Variants in SPATS2L observed in about 807,000 individuals in gnomAD.
The protein encoded by SPATS2L is spermatogenesis associated serine rich 2 like, also known as SPATS2-like protein.
In SPATS2L, 30 loss-of-function variants were observed where a neutral mutation model predicts 59.6. That is an observed-to-expected ratio of 0.50 (90% confidence interval 0.38 to 0.68). The LOEUF is 0.68. SPATS2L is among the 30% of genes least tolerant of loss of function. The pLI is 0.00. For synonymous variants in SPATS2L, 252 were observed against 263.5 expected (o/e 0.96, Z 0.42); for missense variants, 615 against 700.0 (o/e 0.88, Z 1.37).
chr2:200,370,937 C>T (rs879108479), intron 2 of SPATS2L, among the ~76,000 whole-genome samples: 8 of 152,024 alleles, frequency 5.3e-5, no homozygotes, highest in African/African-American at 1.4e-4. Flanking sequence ...CAGATTAGTA[C>T]GACAAAATTA....
chr2:200,466,400 G>A (rs1313487930), intron 9 of SPATS2L, among the ~76,000 whole-genome samples: 1 of 152,196 alleles, frequency 6.6e-6, no homozygotes, highest in Non-Finnish European at 1.5e-5. Flanking sequence ...AGATCCAGCT[G>A]CATATTTAAA....
intron 9 of SPATS2L, among the ~76,000 whole-genome samples, chr2:200,466,026 T>A (rs2086577972): frequency 6.6e-6 from 1 of 152,228 alleles, no homozygotes; most frequent in Non-Finnish European, 1.5e-5. Flanking sequence ...AGCGAGACTC[T>A]GTCTCAAAAC....
intron 2 of SPATS2L, among the ~76,000 whole-genome samples, chr2:200,379,399 G>A (rs2081719938): frequency 1.3e-5 from 2 of 152,158 alleles, no homozygotes; most frequent in East Asian, 3.9e-4. Context: ...CTGGGTATAC[G>A]GTAAGAGTTC....
intron 6 of SPATS2L, among the ~76,000 whole-genome samples, chr2:200,423,682 G>A (rs575293842): frequency 1.3e-4 from 20 of 152,328 alleles, no homozygotes; most frequent in African/African-American, 4.6e-4. Flanking sequence ...GCTTGAGTGA[G>A]TTCACAGCAT....
rs78702220 is a variant in SPATS2L, at chr2:200,474,453, C to T, written c.1281+1401C>T. ...TGCAGGGTAGCTGGGACTACAGGCA[C>T]GTGCCACCACGCCTGACTAAATTTT... On this transcript the variant is annotated intron_variant, in intron 12 of 12. Coordinates refer to ENST00000409140, the MANE Select transcript of SPATS2L (RefSeq NM_001100423.2). Among the ~76,000 whole-genome samples the T allele has an allele frequency of 3.0e-3, 457 of 152,040 alleles. 4 individuals are homozygous for T. The highest frequency in any genetic ancestry group is 0.017 in the Middle Eastern group (5 of 294).
chr2:200,480,841 T>C lies in SPATS2L; in HGVS notation c.*2810T>C, dbSNP rs1209394022. On this transcript the variant is annotated 3_prime_UTR_variant, in exon 13 of 13. Coordinates refer to ENST00000409140, the MANE Select transcript of SPATS2L (RefSeq NM_001100423.2). ...GTGATCCTAGAGAACTGAGTCCTAT[T>C]CTGCCATTCATTTAAAGTGTTTTAA... 2.6e-5 allele frequency: 4 copies of C among 152,272 alleles called. No homozygotes were observed. Among genetic ancestry groups the C allele is most frequent in the Non-Finnish European group, 5.9e-5 (4 of 68,052 alleles). The allele number at this position is 152,272 out of a possible 1,614,324, so 9.4% of individuals were successfully genotyped here.
At position 200,336,407 on chromosome 2, in the gene SPATS2L, TA is replaced by T. The variant is rs954483205; in HGVS notation, c.-23+6936del. 2.8e-4 allele frequency among the ~76,000 whole-genome samples: 42 copies of T among 152,152 alleles called. 1 individual carries two copies. Among genetic ancestry groups the T allele is most frequent in the African/African-American group, 8.2e-4 (34 of 41,432 alleles). Reference sequence around the variant, plus strand: ...ATACAATAATACATGTATATGAATTTAAAAAAAAAGACACATACAAAATGTG... The same window carrying T: ...ATACAATAATACATGTATATGAATTTAAAAAAAAGACACATACAAAATGTG... On this transcript the variant is annotated intron_variant, in intron 2 of 12. Coordinates refer to ENST00000409140, the MANE Select transcript of SPATS2L (RefSeq NM_001100423.2).
intron 6 of SPATS2L, among the ~76,000 whole-genome samples, chr2:200,427,447 A>G (rs1469718506): frequency 6.7e-6 from 1 of 149,896 alleles, no homozygotes; most frequent in African/African-American, 2.4e-5. Context: ...ATATACATAT[A>G]TATTACATAC....
At chr2:200,394,697 GGTTAATGGAAAT>G (rs538654508) in intron 3 of SPATS2L, among the ~76,000 whole-genome samples, 105 of 152,238 alleles carry the variant, frequency 6.9e-4, no homozygotes, top group African/African-American at 2.5e-3. Flanking sequence ...ATGAAATGTA[GGTTAATGGAAAT>G]GTCATCTCAT....
At chr2:200,326,925 T>TTTTA (rs2079768569) in intron 1 of SPATS2L, among the ~76,000 whole-genome samples, 1 of 141,750 alleles carries the variant, frequency 7.1e-6, no homozygotes, top group Non-Finnish European at 1.6e-5. Context: ...TTTTTTTTTT[T>TTTTA]TAGCAGAGTT....
rs1424297489 is a variant in SPATS2L, at chr2:200,478,247, A to G, written c.*216A>G. 2.3e-6 allele frequency: 1 copy of G among 430,622 alleles called. No individual in the cohort carries two copies. The highest frequency in any genetic ancestry group is 3.9e-6 in the Non-Finnish European group (1 of 253,922). The allele number at this position is 430,622 out of a possible 1,614,324, so 26.7% of individuals were successfully genotyped here. A position where few individuals can be genotyped will look rare whatever the true frequency, so the allele number is the denominator to read the frequency against. ...TCTGTTGATGCTTTCTCTCATCAAG[A>G]CTTTGCAGCATTTTAGCCAGGCAGT... is the stretch of plus-strand genomic sequence containing the variant. On this transcript the variant is annotated 3_prime_UTR_variant, in exon 13 of 13. Transcript: ENST00000409140.
intron 2 of SPATS2L, among the ~76,000 whole-genome samples, chr2:200,341,995 A>G (rs535767541): frequency 6.6e-6 from 1 of 152,226 alleles, no homozygotes; most frequent in South Asian, 2.1e-4. Context: ...GCCAACTATA[A>G]CATTTGTAAT....
chr2:200,352,776 A>ACTTC (rs775199098), intron 2 of SPATS2L, among the ~76,000 whole-genome samples: 5 of 152,184 alleles, frequency 3.3e-5, no homozygotes, highest in African/African-American at 1.2e-4. Flanking sequence ...AGCGAAGGTG[A>ACTTC]AGGGGTAATG....
intron 2 of SPATS2L, among the ~76,000 whole-genome samples, chr2:200,362,103 T>C (rs889561271): frequency 5.9e-5 from 9 of 151,790 alleles, no homozygotes; most frequent in Non-Finnish European, 1.5e-5. Flanking sequence ...AAAAAATAGC[T>C]AGGCATGGTG....
chr2:200,434,391 A>G (rs1363905452), intron 6 of SPATS2L, among the ~76,000 whole-genome samples: 2 of 152,062 alleles, frequency 1.3e-5, no homozygotes, highest in Admixed American at 6.6e-5. Context: ...GCTAGGATTA[A>G]TAAGACAAGG....
rs192186563 is a variant in SPATS2L, at chr2:200,443,078, T to C, written c.788+2294T>C. 3.3e-5 allele frequency among the ~76,000 whole-genome samples: 5 copies of C among 152,328 alleles called. No homozygotes were observed. The East Asian group carries it at 9.6e-4, about 29-fold the overall frequency. Reference sequence around the variant, plus strand: ...CTTAATAAAAGTGATCCCACAATAATTGCATAAATGTTAACTTAAAAATAA... The same window carrying C: ...CTTAATAAAAGTGATCCCACAATAACTGCATAAATGTTAACTTAAAAATAA... On this transcript the variant is annotated intron_variant, in intron 8 of 12. Coordinates refer to ENST00000409140, the MANE Select transcript of SPATS2L (RefSeq NM_001100423.2).
At position 200,480,653 on chromosome 2, in the gene SPATS2L, G is replaced by A. The variant is rs1012842842; in HGVS notation, c.*2622G>A. On this transcript the variant is annotated 3_prime_UTR_variant, in exon 13 of 13. Transcript: ENST00000409140. ...CCCAAAGTGTTAGAATTACAGGCAT[G>A]AGCCACCTCGCCTGGCTGGTTTTTG... 3.9e-5 allele frequency: 6 copies of A among 152,462 alleles called. No homozygotes were observed. Among genetic ancestry groups the A allele is most frequent in the African/African-American group, 1.4e-4 (6 of 41,572 alleles). 9.4% of individuals were successfully genotyped at this position (152,462 alleles called of 1,614,324 possible). A position where few individuals can be genotyped will look rare whatever the true frequency, so the allele number is the denominator to read the frequency against.
At chr2:200,474,566 G>A (rs1339446810) in intron 12 of SPATS2L, among the ~76,000 whole-genome samples, 1 of 152,050 alleles carries the variant, frequency 6.6e-6, no homozygotes, top group Non-Finnish European at 1.5e-5. Flanking sequence ...GCCTCCCAAA[G>A]TGCTGAGATT....
At chr2:200,467,974 A>C (rs2086717608) in intron 10 of SPATS2L, among the ~76,000 whole-genome samples, 1 of 152,188 alleles carries the variant, frequency 6.6e-6, no homozygotes, top group African/African-American at 2.4e-5. Flanking sequence ...ATGTGAGTAT[A>C]GCTCAGCAAA....
Sources: allele counts gnomAD v4.1 joint callset (sites outside exome capture counted in the v4.1 genomes callset), GRCh38; gene constraint gnomAD v4.1.1; transcripts MANE v1.5; gene names NCBI Gene and HGNC (gene_info 2026-07-23, HGNC 2026-07-21).